The following SNTB2 variants were observed in gnomAD, a reference collection of about 807,000 sequenced individuals.
The protein encoded by SNTB2 is beta-2-syntrophin.
Under a neutral mutation model 46.2 loss-of-function variants are expected in SNTB2, and 34 were observed. That is an observed-to-expected ratio of 0.74 (90% CI 0.56 to 0.98). SNTB2 has a LOEUF of 0.98. SNTB2 is among the 50% of genes least tolerant of loss of function. SNTB2 has a pLI of 0.00. For synonymous variants in SNTB2, 290 were observed against 312.6 expected (o/e 0.93, Z 0.76); for missense variants, 603 against 731.4 (o/e 0.82, Z 2.02).
chr16:69,199,514 G>A (rs114797181), intron 1 of SNTB2, among the ~76,000 whole-genome samples: 2,680 of 150,530 alleles, frequency 0.018, 81 homozygotes, highest in African/African-American at 0.061. Context: ...AGGATCACTT[G>A]AGCCTGGGAG....
At chr16:69,291,650 G>A (rs891998227) in intron 5 of SNTB2, among the ~76,000 whole-genome samples, 2 of 152,024 alleles carry the variant, frequency 1.3e-5, no homozygotes, top group Non-Finnish European at 2.9e-5. Context: ...TTGAGGCTGC[G>A]GTGAACTGTG....
chr16:69,203,208 G>T (rs1297581463), intron 1 of SNTB2, among the ~76,000 whole-genome samples: 1 of 151,768 alleles, frequency 6.6e-6, no homozygotes, highest in Admixed American at 6.6e-5. Flanking sequence ...AGTAGAAATG[G>T]GGTTTTGCCG....
chr16:69,250,860 A>C (rs1964718430), intron 2 of SNTB2, among the ~76,000 whole-genome samples: 1 of 152,068 alleles, frequency 6.6e-6, no homozygotes, highest in East Asian at 1.9e-4. Context: ...TGGACACACC[A>C]GGTGACAGAG....
At chr16:69,204,042 G>C (rs1047996297) in intron 1 of SNTB2, among the ~76,000 whole-genome samples, 1 of 152,040 alleles carries the variant, frequency 6.6e-6, no homozygotes, top group Non-Finnish European at 1.5e-5. Flanking sequence ...ACAGGCACCC[G>C]CCACCACGCC....
Position 69,283,432 on chromosome 16 carries a change from G to A in SNTB2, c.1149-616G>A, listed in dbSNP as rs77974196. ...CAGCATGAATTTTTAGATAAAACCC[G>A]ACTTTATGTTCACTGTGCTTCTTTA... On this transcript the variant is annotated intron_variant, in intron 4 of 6. Coordinates refer to ENST00000336278, the MANE Select transcript of SNTB2 (RefSeq NM_006750.4). 6.3e-3 allele frequency among the ~76,000 whole-genome samples: 966 copies of A among 152,170 alleles called. 12 individuals carry two copies. Among genetic ancestry groups the A allele is most frequent in the African/African-American group, 0.021 (863 of 41,502 alleles).
intron 1 of SNTB2, among the ~76,000 whole-genome samples, chr16:69,244,851 A>G (rs1243094106): frequency 6.6e-6 from 1 of 152,234 alleles, no homozygotes; most frequent in Non-Finnish European, 1.5e-5. Flanking sequence ...GAGGGATAGA[A>G]TCCATGGCTC....
At chr16:69,262,398 C>T (rs752498060) in intron 3 of SNTB2, among the ~76,000 whole-genome samples, 58 of 151,506 alleles carry the variant, frequency 3.8e-4, no homozygotes, top group Admixed American at 2.4e-3. Flanking sequence ...CTCGGCCTCC[C>T]GGGTTGTTGA....
intron 1 of SNTB2, among the ~76,000 whole-genome samples, chr16:69,196,365 CTTTTCT>C (rs200068343): frequency 2.1e-5 from 3 of 143,956 alleles, no homozygotes; most frequent in Admixed American, 1.4e-4. Flanking sequence ...CTTTGTTTTT[CTTTTCT>C]TTTTCTTTTT....
chr16:69,225,756 G>C (rs901474659), intron 1 of SNTB2, among the ~76,000 whole-genome samples: 16 of 152,174 alleles, frequency 1.1e-4, no homozygotes, highest in Admixed American at 3.9e-4. Flanking sequence ...TGTTGAAAAG[G>C]GGGGAACATT....
chr16:69,259,408 T>C (rs1464995596), intron 2 of SNTB2, among the ~76,000 whole-genome samples: 1 of 151,042 alleles, frequency 6.6e-6, no homozygotes, highest in Non-Finnish European at 1.5e-5. Context: ...AAATTTTTTG[T>C]ATTTTTGGTA....
chr16:69,265,614 G>T (rs750074559), intron 3 of SNTB2, among the ~76,000 whole-genome samples: 2 of 151,680 alleles, frequency 1.3e-5, no homozygotes, highest in Non-Finnish European at 2.9e-5. Context: ...GTATCACGAG[G>T]TCAGGAGTTT....
intron 3 of SNTB2, among the ~76,000 whole-genome samples, chr16:69,264,976 A>G (rs1964870615): frequency 6.6e-6 from 1 of 152,216 alleles, no homozygotes; most frequent in Non-Finnish European, 1.5e-5. Flanking sequence ...TTGGCCGGGC[A>G]CGGTGGCTCA....
intron 1 of SNTB2, among the ~76,000 whole-genome samples, chr16:69,212,031 A>T (rs1171942965): frequency 6.6e-6 from 1 of 152,188 alleles, no homozygotes; most frequent in Non-Finnish European, 1.5e-5. Flanking sequence ...ATGATATCTT[A>T]CAACCCTTAA....
rs1013665857 is a variant in SNTB2, at chr16:69,244,756, A to G, written c.581-846A>G. On this transcript the variant is annotated intron_variant, in intron 1 of 6. Transcript: ENST00000336278. ...GCTTATTAGATCATACCTTATCTTG[A>G]ATATACTTTATTTTTGCACTTGATT... Among the ~76,000 whole-genome samples, 5 of 152,298 alleles carry G rather than the reference A, an allele frequency of 3.3e-5. 1 individual carries two copies.
intron 3 of SNTB2, among the ~76,000 whole-genome samples, chr16:69,264,261 C>G (rs1174917018): frequency 6.6e-6 from 1 of 152,178 alleles, no homozygotes; most frequent in African/African-American, 2.4e-5. Flanking sequence ...AAGCCGAGGG[C>G]TCTCGCTCTT....
At chr16:69,201,841 G>A (rs537426132) in intron 1 of SNTB2, among the ~76,000 whole-genome samples, 1 of 152,142 alleles carries the variant, frequency 6.6e-6, no homozygotes, top group Admixed American at 6.6e-5. Flanking sequence ...TTTTTTGAGT[G>A]CCTCTAAAAT....
At chr16:69,232,071 A>G (rs1964510964) in intron 1 of SNTB2, among the ~76,000 whole-genome samples, 1 of 152,166 alleles carries the variant, frequency 6.6e-6, no homozygotes, top group South Asian at 2.1e-4. Flanking sequence ...TCTATATATA[A>G]AAGCATGAAG....
chr16:69,214,590 G>C (rs1017835359), intron 1 of SNTB2, among the ~76,000 whole-genome samples: 1 of 150,616 alleles, frequency 6.6e-6, no homozygotes, highest in Non-Finnish European at 1.5e-5. Context: ...GCAGTGGCAC[G>C]ATCTTGGCTC....
intron 1 of SNTB2, chr16:69,240,685 G>A (rs999060768): frequency 6.6e-6 from 1 of 152,192 alleles, no homozygotes; most frequent in African/African-American, 2.4e-5. Flanking sequence ...TCACCAGTTG[G>A]GGCATGGAAA....
Sources: allele counts gnomAD v4.1 joint callset (sites outside exome capture counted in the v4.1 genomes callset), GRCh38; gene constraint gnomAD v4.1.1; transcripts MANE v1.5; gene names NCBI Gene and HGNC (gene_info 2026-07-23, HGNC 2026-07-21).